The following ZNF506 variants were observed in gnomAD, a reference collection of about 807,000 sequenced individuals.
ZNF506 encodes the protein zinc finger protein 506.
A neutral mutation model predicts 11.6 loss-of-function variants in ZNF506; 10 were observed. The ratio of observed to expected loss-of-function variants is 0.86; its 90% CI spans 0.53 to 1.46. The LOEUF (loss-of-function observed/expected upper bound fraction) is 1.46. ZNF506 is among the 40% of genes most tolerant of loss of function. The pLI is 0.00. For missense variants in ZNF506, 425 were observed against 521.2 expected (o/e 0.82, Z 1.80); for synonymous variants, 156 against 173.3 (o/e 0.90, Z 0.78).
Position 19,795,530 on chromosome 19 carries a change from A to T in ZNF506, c.357T>A (p.Ser119Arg), listed in dbSNP as rs2062733325. ...DNLQLKKGCE[S>R]VDECPVHKRG... Reference sequence around the variant, plus strand: ...TTTTGTGCACTGGACACTCATCTACACTTTCACAGCCTTTTTTTAACTGTA... The same window carrying T: ...TTTTGTGCACTGGACACTCATCTACTCTTTCACAGCCTTTTTTTAACTGTA... Residue 119 changes from serine to arginine, a missense_variant, in exon 4 of 4, where the codon AGT (serine) becomes AGA (arginine). Ser to Arg is a moderately radical substitution (Grantham distance 110). Transcript: ENST00000540806. The T allele has an allele frequency of 6.3e-7, 1 of 1,599,446 alleles. No homozygotes were observed. The highest frequency in any genetic ancestry group is 8.5e-7 in the Non-Finnish European group (1 of 1,175,486).
chr19:19,806,073 G>GT lies in ZNF506; in HGVS notation c.183dup (p.Pro62ThrfsTer8). 1.2e-6 allele frequency: 2 copies of GT among 1,608,642 alleles called. No individual in the cohort carries two copies. The highest frequency in any genetic ancestry group is 1.1e-5 in the South Asian group (1 of 90,194). ...ATCTCATGCCTCTTCATAGTTAAAG[G>GT]TTTTTTTCCTTGCTCCAGACAGGTG... On this transcript the variant is annotated frameshift_variant, in exon 3 of 4. Transcript: ENST00000540806. LOFTEE classifies it low-confidence loss of function (END_TRUNC).
intron 3 of ZNF506, chr19:19,796,116 T>C (rs1275548519): frequency 5.9e-6 from 1 of 169,606 alleles, no homozygotes; most frequent in Non-Finnish European, 1.3e-5. Flanking sequence ...ACCCCGTCTC[T>C]ACAAAACTAC....
intron 1 of ZNF506, among the ~76,000 whole-genome samples, chr19:19,812,234 A>G (rs2062888690): frequency 6.6e-6 from 1 of 152,264 alleles, no homozygotes; most frequent in African/African-American, 2.4e-5. Flanking sequence ...ACAATTCTGC[A>G]TGGGACATCT....
chr19:19,814,410 A>AAATAATAATAATAATAAT (rs59922058), intron 1 of ZNF506, among the ~76,000 whole-genome samples: 28,560 of 143,832 alleles, frequency 0.2, 3,170 homozygotes, highest in East Asian at 0.25. Context: ...CTCCATCTCA[A>AAATAATAATAATAATAAT]AATAATAATA....
chr19:19,805,367 A>G (rs565627392), intron 3 of ZNF506, among the ~76,000 whole-genome samples: 1 of 152,308 alleles, frequency 6.6e-6, no homozygotes, highest in East Asian at 1.9e-4. Context: ...ATTAAATATT[A>G]CTGAAGTGCC....
At position 19,795,187 on chromosome 19, in the gene ZNF506, A is replaced by T; in HGVS notation, c.700T>A (p.Cys234Ser). 1 of 1,613,844 alleles carries T rather than the reference A, an allele frequency of 6.2e-7. No homozygotes were observed. Residue 234 changes from cysteine to serine, a missense_variant, in exon 4 of 4, where the codon TGT (cysteine) becomes AGT (serine). By Grantham distance (112) the Cys-to-Ser change is moderately radical. This residue lies in a region of ZNF506 where 226 missense variants were observed against 279.1 expected (regional missense o/e 0.81). Coordinates refer to ENST00000540806, the MANE Select transcript of ZNF506 (RefSeq NM_001099269.3). ...TGEKPYKCEE[C>S]GKAYKQSCNL... The stretch of plus-strand genomic sequence containing the variant: ...CAGGACTGCTTATAGGCTTTGCCAC[A>T]TTCTTCACATTTGTAGGGTTTCTCT...
chr19:19,800,025 A>G (rs1267279620), intron 3 of ZNF506, among the ~76,000 whole-genome samples: 1 of 152,212 alleles, frequency 6.6e-6, no homozygotes, highest in Non-Finnish European at 1.5e-5. Context: ...CCTTTCACAT[A>G]ATTACTGCAG....
Position 19,792,934 on chromosome 19 carries a change from A to G in ZNF506, c.*1618T>C, listed in dbSNP as rs2062705907. Among the ~76,000 whole-genome samples the G allele has an allele frequency of 6.6e-6, 1 of 152,174 alleles. No homozygotes were observed. Among genetic ancestry groups the G allele is most frequent in the African/African-American group, 2.4e-5 (1 of 41,442 alleles). On this transcript the variant is annotated 3_prime_UTR_variant, in exon 4 of 4. Transcript: ENST00000540806. ...GAGCCTCTCCACTTACATTTTTATC[A>G]TGCATCTTACATTTTAATGTCCTTA...
intron 1 of ZNF506, among the ~76,000 whole-genome samples, chr19:19,816,520 G>T (rs979890640): frequency 5.9e-5 from 9 of 152,088 alleles, no homozygotes; most frequent in African/African-American, 2.2e-4. Flanking sequence ...ACCACGCCTG[G>T]CTAATTTTTT....
chr19:19,819,719 G>A (rs1317663639), intron 1 of ZNF506, among the ~76,000 whole-genome samples: 1 of 152,202 alleles, frequency 6.6e-6, no homozygotes, highest in Non-Finnish European at 1.5e-5. Context: ...TACAGTGTCA[G>A]GGGATTATTC....
chr19:19,795,751 G>C, intron 3 of ZNF506, 91 bp from the exon 4 acceptor site: 1 of 1,248,504 alleles, frequency 8.0e-7, no homozygotes, highest in Non-Finnish European at 1.1e-6. Context: ...TACAAACTAC[G>C]TAAGCAAGAT....
intron 1 of ZNF506, among the ~76,000 whole-genome samples, chr19:19,814,279 G>T (rs577230458): frequency 6.6e-6 from 1 of 151,900 alleles, no homozygotes; most frequent in Non-Finnish European, 1.5e-5. Context: ...TTGGTGGCAC[G>T]TGCCTGTAAT....
At chr19:19,816,286 C>A (rs562582499) in intron 1 of ZNF506, among the ~76,000 whole-genome samples, 2 of 151,890 alleles carry the variant, frequency 1.3e-5, no homozygotes, top group East Asian at 3.9e-4. Flanking sequence ...CAGGTTCAAG[C>A]CATTCTCCTC....
intron 1 of ZNF506, among the ~76,000 whole-genome samples, chr19:19,814,871 G>GGTTGCTGCTGCAGATTCA (rs2062916890): frequency 1.3e-5 from 2 of 152,122 alleles, no homozygotes; most frequent in Non-Finnish European, 2.9e-5. Context: ...GGAGAAAACA[G>GGTTGCTGCTGCAGATTCA]GTTGCTGCTG....
chr19:19,794,561 G>A lies in ZNF506; in HGVS notation c.1326C>T (p.Ser442=), dbSNP rs772457631. Residue 442 remains serine (S), a synonymous_variant, in exon 4 of 4, where the codon AGC becomes AGT. Coordinates refer to ENST00000540806, the MANE Select transcript of ZNF506 (RefSeq NM_001099269.3). ...TTCTCTCCAGTATGAATTATCTTAT[G>A]CTTATTAAGGGTTGAGGAACATTTA... ...NLLNVPQPLI[S]IR is the part of the protein sequence containing the mutation. 1 of 1,590,922 alleles carries A rather than the reference G, an allele frequency of 6.3e-7. No individual in the cohort carries two copies. Among genetic ancestry groups the A allele is most frequent in the Non-Finnish European group, 8.5e-7 (1 of 1,170,634 alleles).
At position 19,793,432 on chromosome 19, in the gene ZNF506, A is replaced by G. The variant is rs2145166136; in HGVS notation, c.*1120T>C. Among the ~76,000 whole-genome samples, 1 of 152,284 alleles carries G rather than the reference A, an allele frequency of 6.6e-6. No homozygotes were observed. The highest frequency in any genetic ancestry group is 1.5e-5 in the Non-Finnish European group (1 of 68,022). ...GTCTTTCCAAATTCATTATATTTGC[A>G]GGACTCTTCTCCAATATAAATTCCA... is the stretch of plus-strand genomic sequence containing the variant. On this transcript the variant is annotated 3_prime_UTR_variant, in exon 4 of 4. Coordinates refer to ENST00000540806, the MANE Select transcript of ZNF506 (RefSeq NM_001099269.3).
At chr19:19,801,612 G>A (rs2062793628) in intron 3 of ZNF506, among the ~76,000 whole-genome samples, 1 of 151,958 alleles carries the variant, frequency 6.6e-6, no homozygotes, top group African/African-American at 2.4e-5. Flanking sequence ...CCAACATGGT[G>A]AAACCCCATC....
intron 3 of ZNF506, among the ~76,000 whole-genome samples, chr19:19,803,424 G>A (rs2062810648): frequency 6.6e-6 from 1 of 152,176 alleles, no homozygotes; most frequent in Non-Finnish European, 1.5e-5. Flanking sequence ...AATGCTCTCT[G>A]GTACACAGTG....
At chr19:19,812,145 T>C (rs1046584457) in intron 1 of ZNF506, among the ~76,000 whole-genome samples, 1 of 152,202 alleles carries the variant, frequency 6.6e-6, no homozygotes, top group Non-Finnish European at 1.5e-5. Context: ...ACATCTCTTG[T>C]ATGAGGGGAT....
Sources: allele counts gnomAD v4.1 joint callset (sites outside exome capture counted in the v4.1 genomes callset), GRCh38; gene constraint gnomAD v4.1.1; regional missense constraint gnomAD v4.1.1; transcripts MANE v1.5; gene names NCBI Gene and HGNC (gene_info 2026-07-23, HGNC 2026-07-21).